Variants in CD86 observed in about 807,000 individuals in gnomAD.
CD86 encodes T-lymphocyte activation antigen CD86.
In CD86, 11 loss-of-function variants were observed where a neutral mutation model predicts 32.1. The observed-to-expected ratio is 0.34, with a 90% CI of 0.22 to 0.57. The LOEUF is 0.57. Among genes scored for constraint, CD86 ranks in the 20% least tolerant of loss-of-function variants. The pLI is 0.86. For missense variants in CD86, 359 were observed against 398.4 expected (o/e 0.90, Z 0.84); for synonymous variants, 137 against 135.3 (o/e 1.01, Z -0.09).
intron 1 of CD86, among the ~76,000 whole-genome samples, chr3:122,084,534 G>A (rs929665769): frequency 5.3e-5 from 8 of 152,202 alleles, no homozygotes; most frequent in African/African-American, 1.9e-4. Flanking sequence ...GTAGTTTGCT[G>A]ACCCCTGATC....
rs767003674 is a variant in CD86, at chr3:122,119,551, A to C, written c.*17A>C. 6.0e-5 allele frequency: 87 copies of C among 1,449,260 alleles called. No homozygotes were observed. In the South Asian group the frequency reaches 1.0e-3, roughly 17 times the overall value. 89.8% of individuals were successfully genotyped at this position (1,449,260 alleles called of 1,614,324 possible). ...TGTTTTTAATTAAAGAGTAAAGCCC[A>C]TACAAGTATTCATTTTTTCTACCCT... On this transcript the variant is annotated 3_prime_UTR_variant, in exon 7 of 7. Transcript: ENST00000330540.
chr3:122,090,263 A>C (rs961867689), intron 1 of CD86, among the ~76,000 whole-genome samples: 1 of 152,230 alleles, frequency 6.6e-6, no homozygotes, highest in African/African-American at 2.4e-5. Context: ...AATGTCCTGC[A>C]CTGGGTGCTA....
At chr3:122,068,054 G>A (rs1182771690) in intron 1 of CD86, among the ~76,000 whole-genome samples, 2 of 152,044 alleles carry the variant, frequency 1.3e-5, no homozygotes, top group Non-Finnish European at 2.9e-5. Context: ...GTAAGTTTTT[G>A]AATGTGCAGT....
chr3:122,112,553 G>C (rs1454758641), intron 5 of CD86, among the ~76,000 whole-genome samples: 1 of 152,140 alleles, frequency 6.6e-6, no homozygotes, highest in Non-Finnish European at 1.5e-5. Context: ...TTGACCTCGT[G>C]ATCCGTTTTT....
At chr3:122,066,603 G>A (rs1170193455) in intron 1 of CD86, among the ~76,000 whole-genome samples, 3 of 152,158 alleles carry the variant, frequency 2.0e-5, no homozygotes, top group Non-Finnish European at 4.4e-5. Context: ...AATATTTATT[G>A]TGAAGATTAA....
chr3:122,093,552 G>A (rs751451530), intron 2 of CD86, among the ~76,000 whole-genome samples: 1 of 152,114 alleles, frequency 6.6e-6, no homozygotes, highest in Non-Finnish European at 1.5e-5. Flanking sequence ...GAATACTGTA[G>A]GTGTTGTAAC....
chr3:122,074,045 G>C (rs917686532), intron 1 of CD86, among the ~76,000 whole-genome samples: 1 of 152,176 alleles, frequency 6.6e-6, no homozygotes, highest in African/African-American at 2.4e-5. Flanking sequence ...GTCTGTCCTG[G>C]TTGCCATTGG....
chr3:122,109,926 T>G (rs1187254218), intron 5 of CD86, among the ~76,000 whole-genome samples: 1 of 152,220 alleles, frequency 6.6e-6, no homozygotes, highest in Non-Finnish European at 1.5e-5. Flanking sequence ...ACATATCCAT[T>G]ATCATATATA....
intron 1 of CD86, among the ~76,000 whole-genome samples, chr3:122,071,020 C>T (rs1186178177): frequency 3.9e-5 from 6 of 152,074 alleles, no homozygotes; most frequent in South Asian, 2.1e-4. Flanking sequence ...GCACATAGTA[C>T]GAGAATTCCC....
intron 2 of CD86, among the ~76,000 whole-genome samples, chr3:122,095,548 C>T (rs2072894531): frequency 6.6e-6 from 1 of 152,138 alleles, no homozygotes; most frequent in Non-Finnish European, 1.5e-5. Flanking sequence ...CACTGTTTTC[C>T]TCCCAAGATT....
chr3:122,104,141 T>C (rs989598194), intron 3 of CD86, among the ~76,000 whole-genome samples: 2 of 152,190 alleles, frequency 1.3e-5, no homozygotes, highest in Non-Finnish European at 2.9e-5. Flanking sequence ...TAATTACCTA[T>C]AGTAAAAACC....
At chr3:122,117,933 A>G in intron 5 of CD86, 115 bp from the exon 6 acceptor site, 4 of 825,176 alleles carry the variant, frequency 4.8e-6, no homozygotes, top group Non-Finnish European at 6.1e-6. Flanking sequence ...TCTTCCATAT[A>G]TAAAGTCACA....
chr3:122,067,466 G>T (rs1159914050), intron 1 of CD86, among the ~76,000 whole-genome samples: 1 of 152,102 alleles, frequency 6.6e-6, no homozygotes, highest in East Asian at 1.9e-4. Flanking sequence ...AAAATGGCCT[G>T]GTCCCTTCGT....
intron 5 of CD86, among the ~76,000 whole-genome samples, chr3:122,114,973 T>C (rs138483522): frequency 2.1e-4 from 32 of 152,348 alleles, no homozygotes; most frequent in African/African-American, 7.7e-4. Flanking sequence ...GGGGAGGATG[T>C]CTACTCTCTC....
chr3:122,061,817 A>G (rs2072340710), intron 1 of CD86, among the ~76,000 whole-genome samples: 1 of 152,242 alleles, frequency 6.6e-6, no homozygotes, highest in Non-Finnish European at 1.5e-5. Flanking sequence ...CATTTAGTAT[A>G]TGACCCAGCA....
intron 3 of CD86, 112 bp from the exon 4 acceptor site, chr3:122,106,086 G>A: frequency 1.4e-6 from 1 of 737,928 alleles, no homozygotes; most frequent in Non-Finnish European, 2.2e-6. Flanking sequence ...ACACCCTGAG[G>A]CTCCCAGGTG....
intron 1 of CD86, among the ~76,000 whole-genome samples, chr3:122,069,516 C>A (rs143723526): frequency 1.3e-5 from 2 of 152,274 alleles, no homozygotes; most frequent in Non-Finnish European, 2.9e-5. Context: ...TTGAGATACA[C>A]GACAGGCAGG....
chr3:122,074,513 T>C (rs2107510486), intron 1 of CD86, among the ~76,000 whole-genome samples: 1 of 152,336 alleles, frequency 6.6e-6, no homozygotes, highest in East Asian at 1.9e-4. Flanking sequence ...AGAACTACCA[T>C]CAGCACCGCC....
In CD86 at chr3:122,065,352, G is replaced by C. The variant is rs559886186; in HGVS notation, c.14+9849G>C. Reference sequence around the variant, plus strand: ...AGCCAGAGATTGAAAAGTAAAAGCTGGTGGACTAAAAATGGTCCATAGACA... The same window carrying C: ...AGCCAGAGATTGAAAAGTAAAAGCTCGTGGACTAAAAATGGTCCATAGACA... On this transcript the variant is annotated intron_variant, in intron 1 of 6. Coordinates refer to ENST00000330540, the MANE Select transcript of CD86 (RefSeq NM_175862.5). Among the ~76,000 whole-genome samples, 16 of 152,226 alleles carry C rather than the reference G, an allele frequency of 1.1e-4. No individual in the cohort carries two copies. In the South Asian group the frequency reaches 3.3e-3, roughly 32 times the overall value.
Sources: allele counts gnomAD v4.1 joint callset (sites outside exome capture counted in the v4.1 genomes callset), GRCh38; gene constraint gnomAD v4.1.1; transcripts MANE v1.5; gene names NCBI Gene and HGNC (gene_info 2026-07-23, HGNC 2026-07-21).